Variants in PEBP4 observed in about 807,000 individuals in gnomAD.
PEBP4 encodes phosphatidylethanolamine binding protein 4.
PEBP4 carries 22 observed loss-of-function variants against 23.9 expected under a neutral mutation model. The observed-to-expected ratio is 0.92, with a 90% CI of 0.66 to 1.31. PEBP4 has a LOEUF of 1.31. PEBP4 is among the 40% of genes most tolerant of loss of function. The probability of loss-of-function intolerance (pLI) is 0.00; values close to 1 mark genes in which losing one functional copy is unlikely to be tolerated. For synonymous variants in PEBP4, 112 were observed against 99.3 expected (o/e 1.13, Z -0.76); for missense variants, 324 against 281.7 (o/e 1.15, Z -1.07).
intron 1 of PEBP4, among the ~76,000 whole-genome samples, chr8:22,932,959 C>T (rs1000107575): frequency 1.4e-5 from 2 of 148,058 alleles, no homozygotes; most frequent in East Asian, 2.0e-4. Flanking sequence ...GAGCCAAGAT[C>T]GTACTACTGC....
At chr8:22,818,740 G>A (rs561892122) in intron 3 of PEBP4, among the ~76,000 whole-genome samples, 5 of 152,314 alleles carry the variant, frequency 3.3e-5, no homozygotes, top group African/African-American at 9.6e-5. Context: ...TAGGAGACTC[G>A]CAGTAGCATG....
intron 3 of PEBP4, among the ~76,000 whole-genome samples, chr8:22,862,414 G>A (rs552599459): frequency 6.3e-4 from 95 of 151,978 alleles, no homozygotes; most frequent in Middle Eastern, 3.4e-3. Context: ...TTAATGTCAG[G>A]GTCCCTGATT....
intron 3 of PEBP4, chr8:22,885,025 C>T (rs1367709771): frequency 1.3e-5 from 2 of 152,204 alleles, no homozygotes; most frequent in East Asian, 1.9e-4. Context: ...GTTCAATGCA[C>T]TCTCCCCAAA....
At chr8:22,925,427 T>A in intron 2 of PEBP4, 1 of 669,792 alleles carries the variant, frequency 1.5e-6, no homozygotes, top group Non-Finnish European at 1.8e-6. Context: ...ACTTTTAAGC[T>A]ATGTAAACAC....
intron 4 of PEBP4, among the ~76,000 whole-genome samples, chr8:22,731,799 C>T (rs925813883): frequency 1.7e-4 from 25 of 151,514 alleles, no homozygotes; most frequent in African/African-American, 6.1e-4. Context: ...GCTGGGACTA[C>T]AGGTGCCTGC....
chr8:22,914,107 C>T (rs370969652), intron 3 of PEBP4, among the ~76,000 whole-genome samples: 36 of 151,998 alleles, frequency 2.4e-4, no homozygotes, highest in African/African-American at 8.4e-4. Flanking sequence ...CCTATCTCAG[C>T]CTCCCAAGTA....
At chr8:22,923,921 A>G (rs1360610061) in intron 2 of PEBP4, among the ~76,000 whole-genome samples, 1 of 152,320 alleles carries the variant, frequency 6.6e-6, no homozygotes, top group East Asian at 1.9e-4. Context: ...TGTGAGTAAT[A>G]CATTCCTGCT....
At chr8:22,854,958 G>C (rs62495016) in intron 3 of PEBP4, among the ~76,000 whole-genome samples, 1 of 142,228 alleles carries the variant, frequency 7.0e-6, no homozygotes, top group African/African-American at 2.6e-5. Context: ...GTGTGTGTGC[G>C]TGCAAGCTTG....
intron 5 of PEBP4, among the ~76,000 whole-genome samples, chr8:22,726,406 T>G (rs1014030594): frequency 2.6e-5 from 4 of 152,234 alleles, no homozygotes; most frequent in African/African-American, 9.6e-5. Flanking sequence ...CGGACAAGTC[T>G]GAAGTGAGAA....
intron 4 of PEBP4, among the ~76,000 whole-genome samples, chr8:22,744,994 G>A (rs1805082782): frequency 6.6e-6 from 1 of 152,162 alleles, no homozygotes; most frequent in African/African-American, 2.4e-5. Context: ...CCTGGCCCGT[G>A]ATCTAAGTCT....
intron 4 of PEBP4, among the ~76,000 whole-genome samples, chr8:22,796,869 C>T (rs965439754): frequency 2.0e-5 from 3 of 151,658 alleles, no homozygotes; most frequent in Non-Finnish European, 4.4e-5. Context: ...GTGATGGGTA[C>T]ACTGAAAGCA....
At chr8:22,925,304 GC>G in intron 2 of PEBP4, 5 of 985,376 alleles carry the variant, frequency 5.1e-6, no homozygotes, top group Non-Finnish European at 6.0e-6. Context: ...CTGAGAATGG[GC>G]CCCCTTGACT....
At chr8:22,877,131 A>T (rs571528520) in intron 3 of PEBP4, among the ~76,000 whole-genome samples, 1 of 152,258 alleles carries the variant, frequency 6.6e-6, no homozygotes, top group African/African-American at 2.4e-5. Context: ...TTTCCTCCTC[A>T]AACCAGGCTG....
chr8:22,838,907 T>C (rs866504217), intron 3 of PEBP4, among the ~76,000 whole-genome samples: 4 of 152,256 alleles, frequency 2.6e-5, no homozygotes, highest in African/African-American at 9.6e-5. Context: ...TCGTGTGCTG[T>C]CCAGGTTAAC....
chr8:22,820,243 T>C lies in PEBP4; in HGVS notation c.259-2508A>G, dbSNP rs191566059. ...CAGAGAAAAAGGTGTGAGATAGTCA[T>C]TTAAGAGAGTGAGAAAATGAATATA... On this transcript the variant is annotated intron_variant, in intron 3 of 6. Coordinates refer to ENST00000256404, the MANE Select transcript of PEBP4 (RefSeq NM_144962.3). Among the ~76,000 whole-genome samples the C allele has an allele frequency of 2.3e-3, 349 of 152,274 alleles. 2 individuals are homozygous for C. The highest frequency in any genetic ancestry group is 7.4e-3 in the African/African-American group (309 of 41,536).
intron 4 of PEBP4, among the ~76,000 whole-genome samples, chr8:22,745,122 A>G (rs1411085120): frequency 6.6e-6 from 1 of 152,158 alleles, no homozygotes; most frequent in Admixed American, 6.5e-5. Context: ...ATTTCTCTGG[A>G]GACTTCGGAC....
At chr8:22,821,704 G>T (rs180929060) in intron 3 of PEBP4, among the ~76,000 whole-genome samples, 1 of 151,962 alleles carries the variant, frequency 6.6e-6, no homozygotes, top group East Asian at 1.9e-4. Context: ...GGCTGAGGAG[G>T]GCCGGGTGCG....
intron 3 of PEBP4, among the ~76,000 whole-genome samples, chr8:22,915,966 T>A (rs1277439955): frequency 6.6e-6 from 1 of 152,176 alleles, no homozygotes; most frequent in African/African-American, 2.4e-5. Context: ...GTCTCCACCA[T>A]GGGCCAATGA....
intron 3 of PEBP4, among the ~76,000 whole-genome samples, chr8:22,848,270 A>C (rs1016865449): frequency 6.6e-6 from 1 of 152,172 alleles, no homozygotes; most frequent in African/African-American, 2.4e-5. Flanking sequence ...AGAGGCTGTA[A>C]GTTCTCAACT....
Sources: allele counts gnomAD v4.1 joint callset (sites outside exome capture counted in the v4.1 genomes callset), GRCh38; gene constraint gnomAD v4.1.1; transcripts MANE v1.5; gene names NCBI Gene and HGNC (gene_info 2026-07-23, HGNC 2026-07-21).